The following PTPN14 variants were observed in gnomAD, a reference collection of about 807,000 sequenced individuals.
PTPN14 encodes tyrosine-protein phosphatase non-receptor type 14.
Under a neutral mutation model 126.8 loss-of-function variants are expected in PTPN14, and 53 were observed. The observed-to-expected ratio is 0.42, with a 90% confidence interval of 0.34 to 0.53. The LOEUF is 0.53. Among genes scored for constraint, PTPN14 ranks in the 20% least tolerant of loss-of-function variants. PTPN14 has a pLI of 0.08. For synonymous variants in PTPN14, 630 were observed against 599.3 expected (o/e 1.05, Z -0.75); for missense variants, 1,257 against 1,552.9 (o/e 0.81, Z 3.20).
rs1269439868 is a variant in PTPN14, at chr1:214,476,892, A to G, written c.-154-11935T>C. ...TGTGTTTGCTATCACCGCCATTATT[A>G]TCCTTGCTACTTCACGGAATACTGC... On this transcript the variant is annotated intron_variant, in intron 1 of 18. Transcript: ENST00000366956. 2.0e-5 allele frequency among the ~76,000 whole-genome samples: 3 copies of G among 152,228 alleles called. No individual in the cohort carries two copies. In the East Asian group the frequency reaches 5.8e-4, roughly 29 times the overall value.
intron 1 of PTPN14, among the ~76,000 whole-genome samples, chr1:214,545,209 T>C (rs969750084): frequency 6.6e-6 from 1 of 152,158 alleles, no homozygotes; most frequent in Non-Finnish European, 1.5e-5. Flanking sequence ...AGAGTAAAAA[T>C]AATTTTCTGC....
At chr1:214,395,041 T>C (rs1658846890) in intron 8 of PTPN14, 55 bp from the exon 9 acceptor site, 4 of 1,452,580 alleles carry the variant, frequency 2.8e-6, no homozygotes, top group African/African-American at 1.4e-5. Context: ...GCATTTATGA[T>C]ACAGCAGAGG....
chr1:214,402,751 AG>A (rs1305158400), intron 6 of PTPN14, 131 bp downstream of exon 6: 12 of 963,014 alleles, frequency 1.2e-5, no homozygotes, highest in Middle Eastern at 3.4e-4. Flanking sequence ...TACAGAGCTG[AG>A]TCACGTGGTG....
At chr1:214,421,475 A>T (rs559422472) in intron 3 of PTPN14, among the ~76,000 whole-genome samples, 1 of 152,304 alleles carries the variant, frequency 6.6e-6, no homozygotes, top group East Asian at 1.9e-4. Context: ...AAACACTAAA[A>T]GTCACTGAAT....
chr1:214,476,040 G>T (rs1293172855), intron 1 of PTPN14, among the ~76,000 whole-genome samples: 1 of 152,134 alleles, frequency 6.6e-6, no homozygotes, highest in Admixed American at 6.5e-5. Context: ...CACCCACAGC[G>T]GACATTACTC....
intron 1 of PTPN14, among the ~76,000 whole-genome samples, chr1:214,478,968 A>G (rs1355365170): frequency 2.0e-5 from 3 of 152,120 alleles, no homozygotes; most frequent in Non-Finnish European, 4.4e-5. Context: ...CACCATATAC[A>G]ATCATACATT....
intron 6 of PTPN14, among the ~76,000 whole-genome samples, chr1:214,402,358 T>C (rs1659038971): frequency 7.0e-6 from 1 of 143,814 alleles, no homozygotes; most frequent in Non-Finnish European, 1.5e-5. Flanking sequence ...GAGAATTGCT[T>C]GAACCCCGGA....
At chr1:214,372,284 G>A (rs942561481) in intron 16 of PTPN14, 9 of 182,644 alleles carry the variant, frequency 4.9e-5, no homozygotes, top group Non-Finnish European at 8.6e-5. Flanking sequence ...AAGGATGATG[G>A]CATGTGGAGC....
chr1:214,447,073 GAGATGCCAA>G lies in PTPN14; in HGVS notation c.344+4723_344+4731del, dbSNP rs550520468. Among the ~76,000 whole-genome samples, 14 of 152,254 alleles carry G rather than the reference GAGATGCCAA, an allele frequency of 9.2e-5. No homozygotes were observed. The South Asian group carries it at 2.9e-3, about 32-fold the overall frequency. On this transcript the variant is annotated intron_variant, in intron 3 of 18. Coordinates refer to ENST00000366956, the MANE Select transcript of PTPN14 (RefSeq NM_005401.5). ...ACACTGCAGATCCCAGGTGCTCTCAGAGATGCCAAAGCCCATCTCCACCTGAGATGCCTG... is the reference window on the plus strand; with the variant it reads ...ACACTGCAGATCCCAGGTGCTCTCAGAGCCCATCTCCACCTGAGATGCCTG...
At chr1:214,521,165 G>A (rs746178301) in intron 1 of PTPN14, among the ~76,000 whole-genome samples, 17 of 152,206 alleles carry the variant, frequency 1.1e-4, no homozygotes, top group Non-Finnish European at 2.9e-5. Context: ...ACATGAATCA[G>A]TGAGAGATCC....
intron 1 of PTPN14, among the ~76,000 whole-genome samples, chr1:214,497,763 T>C (rs2102426505): frequency 6.6e-6 from 1 of 152,292 alleles, no homozygotes. Context: ...TTTTCAAAAC[T>C]TTCTCTACAT....
intron 1 of PTPN14, among the ~76,000 whole-genome samples, chr1:214,546,783 T>C (rs1249426452): frequency 6.6e-6 from 1 of 152,156 alleles, no homozygotes; most frequent in Non-Finnish European, 1.5e-5. Flanking sequence ...GATGAAACTC[T>C]TGACCTGGGC....
intron 11 of PTPN14, among the ~76,000 whole-genome samples, chr1:214,387,732 T>C (rs1209828749): frequency 6.7e-6 from 1 of 150,330 alleles, no homozygotes; most frequent in Non-Finnish European, 1.5e-5. Flanking sequence ...TTATAACCCA[T>C]CTCAGAAATG....
At chr1:214,449,540 A>G (rs1660225665) in intron 3 of PTPN14, among the ~76,000 whole-genome samples, 1 of 152,258 alleles carries the variant, frequency 6.6e-6, no homozygotes, top group South Asian at 2.1e-4. Context: ...GCCGAGAGCC[A>G]AGAATCAGCA....
At chr1:214,358,541 C>T (rs1657879647) in intron 18 of PTPN14, among the ~76,000 whole-genome samples, 1 of 152,300 alleles carries the variant, frequency 6.6e-6, no homozygotes, top group Middle Eastern at 3.4e-3. Context: ...GGATTTAAGA[C>T]CTCTCAGGGT....
chr1:214,502,875 C>G (rs1654742428), intron 1 of PTPN14, among the ~76,000 whole-genome samples: 1 of 152,146 alleles, frequency 6.6e-6, no homozygotes, highest in African/African-American at 2.4e-5. Flanking sequence ...AGGATGTATT[C>G]AGGCTTCCCT....
chr1:214,464,423 C>G (rs990825430), intron 2 of PTPN14, among the ~76,000 whole-genome samples: 2 of 152,216 alleles, frequency 1.3e-5, no homozygotes, highest in African/African-American at 2.4e-5. Flanking sequence ...CCATGCAGCT[C>G]TAGGCGGTGT....
Position 214,393,784 on chromosome 1 carries a change from AAAG to A in PTPN14, c.847-10_847-8del. ...TGGCATTTTCGATATCATCCTTGGAAAAGAAGAGACAGAGAAAAAAATAAACAT... is the reference window on the plus strand; with the variant it reads ...TGGCATTTTCGATATCATCCTTGGAAAAGAGACAGAGAAAAAAATAAACAT... On this transcript the variant is annotated splice_polypyrimidine_tract_variant and splice_region_variant and intron_variant, in intron 9 of 18. Coordinates refer to ENST00000366956, the MANE Select transcript of PTPN14 (RefSeq NM_005401.5). 1 of 1,567,302 alleles carries A rather than the reference AAAG, an allele frequency of 6.4e-7. No homozygotes were observed. The highest frequency in any genetic ancestry group is 8.8e-7 in the Non-Finnish European group (1 of 1,137,770).
At chr1:214,468,018 G>GTTTTCA (rs1660679045) in intron 1 of PTPN14, among the ~76,000 whole-genome samples, 2 of 152,010 alleles carry the variant, frequency 1.3e-5, no homozygotes, top group Non-Finnish European at 2.9e-5. Flanking sequence ...AATGTAGTGT[G>GTTTTCA]TGAACCCTGA....
Sources: gnomAD v4.1 joint callset for allele counts (sites outside exome capture counted in the v4.1 genomes callset) on GRCh38, gnomAD v4.1.1 for gene constraint, MANE v1.5 for transcripts, NCBI Gene and HGNC (gene_info 2026-07-23, HGNC 2026-07-21) for gene names.